The following BBS9 variants were observed in gnomAD, a reference collection of about 807,000 sequenced individuals.
BBS9 encodes the protein Bardet-Biedl syndrome 9.
BBS9 carries 89 observed loss-of-function variants against 117.7 expected under a neutral mutation model. The observed-to-expected ratio is 0.76, with a 90% CI of 0.64 to 0.90. The LOEUF (loss-of-function observed/expected upper bound fraction) is 0.90. Ranked by LOEUF, BBS9 falls within the 40% of genes least tolerant of loss-of-function variation. The pLI, the probability that BBS9 is intolerant of heterozygous loss-of-function variation, is 0.00. For missense variants in BBS9, 982 were observed against 1,042.2 expected (o/e 0.94, Z 0.80); for synonymous variants, 379 against 370.9 (o/e 1.02, Z -0.25).
chr7:33,416,456 G>A (rs533875045), intron 19 of BBS9, among the ~76,000 whole-genome samples: 3 of 152,038 alleles, frequency 2.0e-5, no homozygotes, highest in East Asian at 1.9e-4. Flanking sequence ...AAAAATGAAC[G>A]GCAGGCTGAG....
chr7:33,136,647 A>T (rs1790507833), intron 1 of BBS9, among the ~76,000 whole-genome samples: 1 of 152,180 alleles, frequency 6.6e-6, no homozygotes. Context: ...GATGTTAAGG[A>T]TGCCTACCTT....
rs751173437 is a variant in BBS9, at chr7:33,505,481, G to A, written c.2134G>A (p.Ala712Thr). 18 of 1,614,174 alleles carry A rather than the reference G, an allele frequency of 1.1e-5. No homozygotes were observed. The highest frequency in any genetic ancestry group is 1.1e-5 in the Non-Finnish European group (13 of 1,179,978). Residue 712 changes from alanine (A) to threonine (T), a missense_variant, in exon 20 of 23, where the codon GCA (alanine) becomes ACA (threonine). By Grantham distance (58) the Ala-to-Thr change is moderately conservative. Transcript: ENST00000242067. ...TCTGCAGGTAATTGCTCTAGCAGATGCAGTGGAGGAAAACCAAGGCAATCT... is the reference window on the plus strand; with the variant it reads ...TCTGCAGGTAATTGCTCTAGCAGATACAGTGGAGGAAAACCAAGGCAATCT... ...TYKQVIALAD[A>T]VEENQGNLFQ...
chr7:33,625,674 A>C (rs1865604396), intron 21 of BBS9, among the ~76,000 whole-genome samples: 1 of 152,170 alleles, frequency 6.6e-6, no homozygotes, highest in Non-Finnish European at 1.5e-5. Flanking sequence ...GCACCTTACC[A>C]TGATTTTTAT....
rs148737747 is a variant in BBS9 at position 33,614,638 on chromosome 7, A to T, written c.2522-20539A>T. Among the ~76,000 whole-genome samples, 270 of 152,190 alleles carry T rather than the reference A, an allele frequency of 1.8e-3. 1 individual carries two copies. The highest frequency in any genetic ancestry group is 6.0e-3 in the African/African-American group (248 of 41,546). On this transcript the variant is annotated intron_variant, in intron 21 of 21. Transcript: ENST00000671952. ...AGAAACCTCTATGGGAGCTAGTATC[A>T]GCGCAAGAAAACCTGAAGTGTAATT...
intron 12 of BBS9, among the ~76,000 whole-genome samples, chr7:33,347,899 A>G (rs1817897569): frequency 6.6e-6 from 1 of 152,030 alleles, no homozygotes; most frequent in Admixed American, 6.6e-5. Context: ...TGCCGTATAG[A>G]AAAGGTACCA....
At chr7:33,372,059 T>G (rs1822971904) in intron 17 of BBS9, among the ~76,000 whole-genome samples, 1 of 151,966 alleles carries the variant, frequency 6.6e-6, no homozygotes, top group Admixed American at 6.6e-5. Flanking sequence ...TTCTTGAAAG[T>G]TTGAGGAAGT....
intron 21 of BBS9, among the ~76,000 whole-genome samples, chr7:33,588,515 G>A (rs2129173981): frequency 6.6e-6 from 1 of 152,206 alleles, no homozygotes; most frequent in South Asian, 2.1e-4. Context: ...GGATACTGTA[G>A]CCACCAAATT....
chr7:33,320,316 C>T (rs992296389), intron 9 of BBS9, among the ~76,000 whole-genome samples: 1 of 152,122 alleles, frequency 6.6e-6, no homozygotes. Context: ...ATTTTTAGCA[C>T]CCACAAATAA....
intron 20 of BBS9, among the ~76,000 whole-genome samples, chr7:33,506,893 T>C (rs1338795179): frequency 6.6e-6 from 1 of 152,214 alleles, no homozygotes; most frequent in African/African-American, 2.4e-5. Flanking sequence ...ACTGTAATAC[T>C]AGAAAATAAA....
chr7:33,207,373 C>T (rs1787125999), intron 5 of BBS9, among the ~76,000 whole-genome samples: 1 of 152,098 alleles, frequency 6.6e-6, no homozygotes, highest in Non-Finnish European at 1.5e-5. Flanking sequence ...TCTTTCTTCT[C>T]CCCTATTTAT....
At chr7:33,402,635 T>G (rs1352839269) in intron 19 of BBS9, among the ~76,000 whole-genome samples, 2 of 152,208 alleles carry the variant, frequency 1.3e-5, no homozygotes, top group Non-Finnish European at 2.9e-5. Context: ...TTACCTAATA[T>G]CATGTTTTTG....
chr7:33,441,110 A>C (rs1836102062), intron 19 of BBS9, among the ~76,000 whole-genome samples: 1 of 152,210 alleles, frequency 6.6e-6, no homozygotes, highest in Non-Finnish European at 1.5e-5. Context: ...CTAAGCATGA[A>C]AGCAATAATC....
intron 6 of BBS9, among the ~76,000 whole-genome samples, chr7:33,257,702 A>G (rs1797311518): frequency 6.6e-6 from 1 of 152,164 alleles, no homozygotes. Context: ...CATTTTGACA[A>G]GTTTATTATA....
intron 4 of BBS9, among the ~76,000 whole-genome samples, chr7:33,175,762 T>C (rs1411012038): frequency 6.6e-6 from 1 of 152,206 alleles, no homozygotes; most frequent in Non-Finnish European, 1.5e-5. Context: ...GCTGGGGCTC[T>C]ATAAATTAGA....
chr7:33,631,079 G>C (rs896012642), intron 21 of BBS9, among the ~76,000 whole-genome samples: 1 of 152,136 alleles, frequency 6.6e-6, no homozygotes, highest in Non-Finnish European at 1.5e-5. Flanking sequence ...CTTGTTTTTT[G>C]TTGGAAAGTG....
At chr7:33,440,112 T>C (rs1835947388) in intron 19 of BBS9, among the ~76,000 whole-genome samples, 1 of 152,146 alleles carries the variant, frequency 6.6e-6, no homozygotes, top group Non-Finnish European at 1.5e-5. Context: ...GAAAAGACAC[T>C]TATGAAAACT....
chr7:33,384,584 A>G (rs748991776), intron 18 of BBS9, among the ~76,000 whole-genome samples: 2 of 152,144 alleles, frequency 1.3e-5, no homozygotes, highest in Admixed American at 6.6e-5. Context: ...TACATAGTCT[A>G]TAAACACTCT....
intron 19 of BBS9, among the ~76,000 whole-genome samples, chr7:33,452,482 T>G (rs943880684): frequency 6.6e-6 from 1 of 152,304 alleles, no homozygotes; most frequent in East Asian, 1.9e-4. Flanking sequence ...CACTTGGAAC[T>G]TTGCCTTTAA....
intron 4 of BBS9, among the ~76,000 whole-genome samples, chr7:33,173,299 G>T (rs1180679676): frequency 6.6e-6 from 1 of 151,994 alleles, no homozygotes; most frequent in Non-Finnish European, 1.5e-5. Flanking sequence ...TGAAAAATTT[G>T]GCCGAGTGCA....
Sources: allele counts gnomAD v4.1 joint callset (sites outside exome capture counted in the v4.1 genomes callset), GRCh38; gene constraint gnomAD v4.1.1; transcripts MANE v1.5; gene names NCBI Gene and HGNC (gene_info 2026-07-23, HGNC 2026-07-21).